GRK5: variants seen among roughly 807,000 people sequenced by gnomAD.
The protein encoded by GRK5 is G protein-coupled receptor kinase 5.
GRK5 carries 40 observed loss-of-function variants against 78.4 expected under a neutral mutation model. The observed-to-expected ratio is 0.51, with a 90% CI of 0.40 to 0.66. The LOEUF is 0.66. Among genes scored for constraint, GRK5 ranks in the 30% least tolerant of loss-of-function variants. GRK5 has a pLI of 0.00. For synonymous variants in GRK5, 289 were observed against 296.8 expected (o/e 0.97, Z 0.27); for missense variants, 598 against 759.9 (o/e 0.79, Z 2.50).
chr10:119,369,634 G>A (rs1435934996), intron 2 of GRK5, among the ~76,000 whole-genome samples: 1 of 152,224 alleles, frequency 6.6e-6, no homozygotes, highest in East Asian at 1.9e-4. Context: ...GGTCACGCAT[G>A]GGTGTGTTTC....
intron 1 of GRK5, among the ~76,000 whole-genome samples, chr10:119,227,815 G>A (rs78187815): frequency 0.02 from 3,118 of 152,288 alleles, 75 homozygotes; most frequent in South Asian, 0.062. Context: ...AAGTGTGGGT[G>A]AATAGGTTCT....
At chr10:119,426,445 C>A (rs186564717) in intron 6 of GRK5, among the ~76,000 whole-genome samples, 2 of 152,192 alleles carry the variant, frequency 1.3e-5, no homozygotes, top group Non-Finnish European at 2.9e-5. Flanking sequence ...GTCCGAGTCC[C>A]GCCTCTGCCT....
chr10:119,232,996 G>A (rs1376771359), intron 1 of GRK5, among the ~76,000 whole-genome samples: 1 of 152,192 alleles, frequency 6.6e-6, no homozygotes, highest in Non-Finnish European at 1.5e-5. Context: ...TTGCACCCAG[G>A]TGATGCTGCA....
chr10:119,427,353 TC>T (rs1352588026), intron 6 of GRK5, among the ~76,000 whole-genome samples: 2 of 148,674 alleles, frequency 1.3e-5, no homozygotes, highest in African/African-American at 5.0e-5. Flanking sequence ...ACCACCATCA[TC>T]AGCATCATCA....
At chr10:119,395,205 C>T (rs1259647005) in intron 3 of GRK5, among the ~76,000 whole-genome samples, 1 of 152,200 alleles carries the variant, frequency 6.6e-6, no homozygotes, top group African/African-American at 2.4e-5. Context: ...TCCCTGTGAT[C>T]TAAATGATTG....
chr10:119,212,486 A>C (rs1848504200), intron 1 of GRK5, among the ~76,000 whole-genome samples: 1 of 152,222 alleles, frequency 6.6e-6, no homozygotes. Flanking sequence ...GAAGACTTCC[A>C]GAATGCCCAA....
Position 119,219,474 on chromosome 10 carries a change from C to G in GRK5, c.52+11505C>G, listed in dbSNP as rs534365206. ...ATCCAAAAACATCAGAAATCCAAAG[C>G]ACTTCTGGTCACAAGCATTTCAGAT... On this transcript the variant is annotated intron_variant, in intron 1 of 15. Coordinates refer to ENST00000392870, the MANE Select transcript of GRK5 (RefSeq NM_005308.3). Among the ~76,000 whole-genome samples the G allele has an allele frequency of 3.9e-5, 6 of 152,270 alleles. No individual in the cohort carries two copies. In the East Asian group the frequency reaches 5.8e-4, roughly 15 times the overall value.
intron 2 of GRK5, among the ~76,000 whole-genome samples, chr10:119,339,793 T>C (rs758383224): frequency 6.6e-6 from 1 of 151,780 alleles, no homozygotes; most frequent in Non-Finnish European, 1.5e-5. Context: ...ACTTGGGAGG[T>C]TGAGGCAGGA....
At chr10:119,249,033 C>T (rs1049230561) in intron 1 of GRK5, among the ~76,000 whole-genome samples, 5 of 152,116 alleles carry the variant, frequency 3.3e-5, no homozygotes, top group African/African-American at 1.2e-4. Context: ...TTTTGGGAGG[C>T]TGAGGTGGGT....
chr10:119,387,376 G>A (rs1209111127), intron 3 of GRK5, among the ~76,000 whole-genome samples: 1 of 152,170 alleles, frequency 6.6e-6, no homozygotes, highest in Non-Finnish European at 1.5e-5. Flanking sequence ...TGACGGCCCA[G>A]GTGATTTTCT....
At chr10:119,214,166 G>A (rs1406227010) in intron 1 of GRK5, among the ~76,000 whole-genome samples, 1 of 152,124 alleles carries the variant, frequency 6.6e-6, no homozygotes, top group African/African-American at 2.4e-5. Context: ...GTAGAGGCGG[G>A]GTTTCGCCAT....
At chr10:119,415,917 T>C (rs1440612445) in intron 4 of GRK5, among the ~76,000 whole-genome samples, 1 of 152,206 alleles carries the variant, frequency 6.6e-6, no homozygotes, top group Non-Finnish European at 1.5e-5. Flanking sequence ...GGGTCTTTCC[T>C]GGAGGGTCCT....
chr10:119,269,480 G>A (rs538908781), intron 1 of GRK5, among the ~76,000 whole-genome samples: 3 of 152,154 alleles, frequency 2.0e-5, no homozygotes, highest in Admixed American at 1.3e-4. Context: ...GGTAGGCCCT[G>A]TTCAGAGAGC....
At chr10:119,281,347 A>AC (rs750358379) in intron 1 of GRK5, among the ~76,000 whole-genome samples, 4 of 151,014 alleles carry the variant, frequency 2.6e-5, no homozygotes, top group Non-Finnish European at 5.9e-5. Context: ...CTGGCCAGGG[A>AC]CCCCCCTAAC....
intron 1 of GRK5, among the ~76,000 whole-genome samples, chr10:119,299,961 C>A (rs377311726): frequency 1.1e-4 from 17 of 152,254 alleles, no homozygotes; most frequent in African/African-American, 4.1e-4. Flanking sequence ...AGCCCTCCCC[C>A]TTCCCCACCC....
intron 11 of GRK5, 109 bp from the exon 12 acceptor site, chr10:119,443,435 G>T (rs573994507): frequency 1.1e-4 from 103 of 947,924 alleles, no homozygotes; most frequent in Non-Finnish European, 1.5e-4. Flanking sequence ...ATTCACAGCA[G>T]TTGGTGGGGT....
rs1296720753 is a variant in GRK5 at position 119,324,079 on chromosome 10, C to G, written c.53-2437C>G. On this transcript the variant is annotated intron_variant, in intron 1 of 15. Coordinates refer to ENST00000392870, the MANE Select transcript of GRK5 (RefSeq NM_005308.3). Reference sequence around the variant, plus strand: ...CTGGGTCCCCAGCTAGATCCTTGCTCCTGCTCCCGTCATGGCTGCCGCGTC... The same window carrying G: ...CTGGGTCCCCAGCTAGATCCTTGCTGCTGCTCCCGTCATGGCTGCCGCGTC... Among the ~76,000 whole-genome samples, 5 of 152,328 alleles carry G rather than the reference C, an allele frequency of 3.3e-5. No homozygotes were observed. In the East Asian group the frequency reaches 9.6e-4, roughly 29 times the overall value.
At chr10:119,326,121 T>C (rs1446520453) in intron 1 of GRK5, among the ~76,000 whole-genome samples, 1 of 152,248 alleles carries the variant, frequency 6.6e-6, no homozygotes, top group Non-Finnish European at 1.5e-5. Context: ...TGAGGGGCCA[T>C]GGGCACCTGC....
chr10:119,320,577 CAGA>C, intron 1 of GRK5, among the ~76,000 whole-genome samples: 1 of 152,256 alleles, frequency 6.6e-6, no homozygotes, highest in East Asian at 1.9e-4. Context: ...CAACCGAGCT[CAGA>C]GGAGACCTCC....
Sources: allele counts gnomAD v4.1 joint callset (sites outside exome capture counted in the v4.1 genomes callset), GRCh38; gene constraint gnomAD v4.1.1; transcripts MANE v1.5; gene names NCBI Gene and HGNC (gene_info 2026-07-23, HGNC 2026-07-21).